Variants in FRK observed in about 807,000 individuals in gnomAD.
FRK encodes the protein tyrosine-protein kinase FRK.
A neutral mutation model predicts 56.4 loss-of-function variants in FRK; 51 were observed. The observed-to-expected ratio is 0.90, with a 90% CI of 0.72 to 1.14. FRK has a LOEUF of 1.14. Among genes scored for constraint, FRK ranks in the 50% most tolerant of loss-of-function variants. The probability of loss-of-function intolerance (pLI) is 0.00; values close to 1 mark genes in which losing one functional copy is unlikely to be tolerated. For synonymous variants in FRK, 245 were observed against 217.9 expected (o/e 1.12, Z -1.10); for missense variants, 570 against 601.4 (o/e 0.95, Z 0.55).
chr6:116,060,352 T>G lies in FRK; in HGVS notation c.-41A>C. 1.3e-6 allele frequency: 2 copies of G among 1,489,596 alleles called. No individual in the cohort carries two copies. Among genetic ancestry groups the G allele is most frequent in the South Asian group, 1.2e-5 (1 of 82,042 alleles). 92.3% of individuals were successfully genotyped at this position (1,489,596 alleles called of 1,614,324 possible). On this transcript the variant is annotated 5_prime_UTR_variant, in exon 1 of 8. Transcript: ENST00000606080. ...AGAAGAGGAGCAGGGCTTCTCCCTC[T>G]CCCCTTAGTCTCTGCGATCCACCTT...
chr6:116,056,876 C>T (rs1777419325), intron 1 of FRK, among the ~76,000 whole-genome samples: 1 of 152,132 alleles, frequency 6.6e-6, no homozygotes, highest in South Asian at 2.1e-4. Context: ...TATTATATCA[C>T]TTAGTGGAAG....
chr6:115,998,439 C>T (rs1343689165), intron 2 of FRK, among the ~76,000 whole-genome samples: 3 of 152,130 alleles, frequency 2.0e-5, no homozygotes, highest in African/African-American at 7.2e-5. Flanking sequence ...ACCATCCCTC[C>T]TCGCCTTCAT....
the FRK span, among the ~76,000 whole-genome samples, chr6:116,067,922 A>G: frequency 6.6e-6 from 1 of 152,204 alleles, no homozygotes; most frequent in Non-Finnish European, 1.5e-5. Flanking sequence ...ACCGCAAACA[A>G]TTTCATCTTA....
intron 1 of FRK, among the ~76,000 whole-genome samples, chr6:116,036,567 A>G (rs1776487984): frequency 4.6e-5 from 7 of 152,138 alleles, no homozygotes. Flanking sequence ...CAATGATGCA[A>G]TAGAAATGGT....
chr6:116,041,328 T>G (rs1431806365), intron 1 of FRK, among the ~76,000 whole-genome samples: 1 of 152,178 alleles, frequency 6.6e-6, no homozygotes, highest in Non-Finnish European at 1.5e-5. Flanking sequence ...CTATAACCAC[T>G]GTATACCAGA....
chr6:115,974,802 G>A (rs757200784), intron 2 of FRK, among the ~76,000 whole-genome samples: 8 of 152,026 alleles, frequency 5.3e-5, no homozygotes, highest in Non-Finnish European at 8.8e-5. Context: ...TCTAGAATCT[G>A]GCCCCTTCCT....
chr6:116,054,819 A>G (rs904327357), intron 1 of FRK, among the ~76,000 whole-genome samples: 2 of 151,932 alleles, frequency 1.3e-5, no homozygotes, highest in South Asian at 2.1e-4. Flanking sequence ...TAATAATTCA[A>G]ACTTCTCAAA....
At chr6:116,001,227 G>C (rs948169356) in intron 2 of FRK, among the ~76,000 whole-genome samples, 1 of 149,728 alleles carries the variant, frequency 6.7e-6, no homozygotes, top group African/African-American at 2.5e-5. Context: ...GGCAGAGTGA[G>C]ACTCTGTCTG....
the FRK span, among the ~76,000 whole-genome samples, chr6:116,083,142 C>A: frequency 6.6e-6 from 1 of 152,062 alleles, no homozygotes; most frequent in South Asian, 2.1e-4. Flanking sequence ...AAATGACGGT[C>A]ATGGATAAAA....
intron 2 of FRK, among the ~76,000 whole-genome samples, chr6:115,969,674 G>C (rs984607815): frequency 5.9e-5 from 9 of 152,282 alleles, no homozygotes; most frequent in African/African-American, 2.2e-4. Flanking sequence ...TGTTGCTGTG[G>C]CTGTTGTTTT....
the FRK span, among the ~76,000 whole-genome samples, chr6:116,088,086 T>C: frequency 6.6e-6 from 1 of 152,212 alleles, no homozygotes; most frequent in Non-Finnish European, 1.5e-5. Context: ...CTGTGTTTCA[T>C]GGGACATGCC....
intron 1 of FRK, among the ~76,000 whole-genome samples, chr6:116,006,248 G>T (rs1775243310): frequency 6.6e-6 from 1 of 152,062 alleles, no homozygotes; most frequent in Non-Finnish European, 1.5e-5. Flanking sequence ...CACATAAAAA[G>T]AAACCCCAAA....
Position 115,942,615 on chromosome 6 carries a change from A to G in FRK, c.1317T>C (p.Gly439=). ...GAGCCAACATCTGGATTACCTGGGC[A>G]CCTGTCATACCTTGAAAATACAGAA... is the stretch of plus-strand genomic sequence containing the variant. ...YGKMPYSGMT[G]AQVIQMLAQN... Residue 439 remains glycine, a synonymous_variant, in exon 8 of 8, where the codon GGT becomes GGC. Transcript: ENST00000606080. 6.2e-7 allele frequency: 1 copy of G among 1,612,958 alleles called. No individual in the cohort carries two copies. Among genetic ancestry groups the G allele is most frequent in the South Asian group, 1.1e-5 (1 of 91,018 alleles).
At chr6:116,084,266 A>T in the FRK span, among the ~76,000 whole-genome samples, 1 of 152,250 alleles carries the variant, frequency 6.6e-6, no homozygotes, top group African/African-American at 2.4e-5. Context: ...ACCAATGTGT[A>T]TAAGTATTGC....
At chr6:116,001,553 C>T (rs1451732542) in intron 2 of FRK, among the ~76,000 whole-genome samples, 1 of 152,146 alleles carries the variant, frequency 6.6e-6, no homozygotes, top group East Asian at 1.9e-4. Context: ...ACTTTCAGAA[C>T]TTACTTGCCT....
chr6:116,014,857 G>A (rs1775593080), intron 1 of FRK, among the ~76,000 whole-genome samples: 1 of 152,168 alleles, frequency 6.6e-6, no homozygotes, highest in Non-Finnish European at 1.5e-5. Context: ...AAGAGACTTG[G>A]TCCAAACTTT....
chr6:116,067,207 G>C, the FRK span, among the ~76,000 whole-genome samples: 1 of 152,084 alleles, frequency 6.6e-6, no homozygotes, highest in East Asian at 1.9e-4. Context: ...AACACCAGCA[G>C]CTAAAAGAGG....
chr6:115,983,071 C>CA (rs34441668), intron 2 of FRK, among the ~76,000 whole-genome samples: 37,369 of 143,290 alleles, frequency 0.26, 5,636 homozygotes, highest in East Asian at 0.62. Context: ...GACTCTATCT[C>CA]AAAAAAAAAA....
At chr6:116,059,077 T>A (rs147849656) in intron 1 of FRK, among the ~76,000 whole-genome samples, 3 of 152,262 alleles carry the variant, frequency 2.0e-5, no homozygotes, top group African/African-American at 7.2e-5. Context: ...TTATCCACTT[T>A]GTATTCAGTC....
Sources: gnomAD v4.1 joint callset for allele counts (sites outside exome capture counted in the v4.1 genomes callset) on GRCh38, gnomAD v4.1.1 for gene constraint, MANE v1.5 for transcripts, NCBI Gene and HGNC (gene_info 2026-07-23, HGNC 2026-07-21) for gene names.